The following CENPK variants were observed in gnomAD, a reference collection of about 807,000 sequenced individuals.
The protein encoded by CENPK is SoxLZ/Sox6-binding protein Solt.
A neutral mutation model predicts 40.9 loss-of-function variants in CENPK; 46 were observed. The observed-to-expected ratio is 1.13, with a 90% CI of 0.89 to 1.44. The LOEUF is 1.44. Among genes scored for constraint, CENPK ranks in the 40% most tolerant of loss-of-function variants. CENPK has a pLI of 0.00. For synonymous variants in CENPK, 107 were observed against 104.4 expected (o/e 1.02, Z -0.15); for missense variants, 288 against 303.5 (o/e 0.95, Z 0.38).
the CENPK span, among the ~76,000 whole-genome samples, chr5:65,496,253 C>CAAACA: frequency 0.59 from 88,167 of 150,420 alleles, 26,193 homozygotes; most frequent in Non-Finnish European, 0.62. Context: ...GACCTTGTCT[C>CAAACA]AAACAAAACA....
At chr5:65,536,967 T>C (rs1580986846) in intron 6 of CENPK, among the ~76,000 whole-genome samples, 1 of 152,358 alleles carries the variant, frequency 6.6e-6, no homozygotes, top group Middle Eastern at 3.4e-3. Flanking sequence ...AATAGGTTAG[T>C]TGTCATGGGA....
chr5:65,543,245 G>C (rs974444004), intron 5 of CENPK, among the ~76,000 whole-genome samples: 10 of 152,148 alleles, frequency 6.6e-5, no homozygotes, highest in African/African-American at 2.2e-4. Context: ...CGAAATGTGT[G>C]CAGTTTTCAT....
chr5:65,504,597 G>GT, the CENPK span, among the ~76,000 whole-genome samples: 7 of 151,518 alleles, frequency 4.6e-5, no homozygotes, highest in African/African-American at 9.7e-5. Flanking sequence ...AAAAATTGCT[G>GT]TTTTTTTTCC....
intron 6 of CENPK, among the ~76,000 whole-genome samples, chr5:65,539,235 T>A (rs993971477): frequency 6.6e-6 from 1 of 152,208 alleles, no homozygotes; most frequent in Non-Finnish European, 1.5e-5. Context: ...TCCATCCCAA[T>A]AGCCACAAAA....
At chr5:65,497,600 C>G in the CENPK span, among the ~76,000 whole-genome samples, 8 of 152,264 alleles carry the variant, frequency 5.3e-5, no homozygotes, top group African/African-American at 1.9e-4. Context: ...CATAAGTTCC[C>G]CGGTCCACAC....
rs1162132221 is a variant in CENPK, at chr5:65,558,166, AT to A, written c.-39-3221del. Among the ~76,000 whole-genome samples, 567 of 151,628 alleles carry A rather than the reference AT, an allele frequency of 3.7e-3. 3 individuals carry two copies. Among genetic ancestry groups the A allele is most frequent in the African/African-American group, 0.013 (535 of 41,360 alleles). On this transcript the variant is annotated intron_variant, in intron 2 of 10. Coordinates refer to ENST00000396679, the MANE Select transcript of CENPK (RefSeq NM_022145.5). ...ACAAAAAGAAAACACACACACACACATTTTTTTTTCTTTAAAGCACAAGAGA... is the reference window on the plus strand; with the variant it reads ...ACAAAAAGAAAACACACACACACACATTTTTTTTCTTTAAAGCACAAGAGA...
the CENPK span, among the ~76,000 whole-genome samples, chr5:65,496,789 C>T: frequency 6.6e-6 from 1 of 151,942 alleles, no homozygotes; most frequent in Non-Finnish European, 1.5e-5. Context: ...TGCGATGGCT[C>T]ACGTCTGTAA....
chr5:65,504,457 CAAAAAAAA>C, the CENPK span, among the ~76,000 whole-genome samples: 8 of 100,056 alleles, frequency 8.0e-5, no homozygotes, highest in South Asian at 2.1e-3. Context: ...AATTCCGTAT[CAAAAAAAA>C]AAAAAAAAAA....
At chr5:65,504,544 A>AT in the CENPK span, among the ~76,000 whole-genome samples, 2 of 151,766 alleles carry the variant, frequency 1.3e-5, no homozygotes, top group Non-Finnish European at 2.9e-5. Flanking sequence ...TGCAATACTA[A>AT]TGTCTGAAGA....
intron 6 of CENPK, among the ~76,000 whole-genome samples, chr5:65,530,902 C>G (rs756168373): frequency 1.3e-5 from 2 of 151,970 alleles, no homozygotes; most frequent in Non-Finnish European, 2.9e-5. Context: ...AAGGCAAGAC[C>G]CTGCCTCAAC....
At chr5:65,543,914 T>C (rs1748442582) in intron 5 of CENPK, among the ~76,000 whole-genome samples, 1 of 152,172 alleles carries the variant, frequency 6.6e-6, no homozygotes, top group African/African-American at 2.4e-5. Flanking sequence ...TCTTCTAAAA[T>C]TTTTGCCAGC....
chr5:65,559,265 C>G (rs887020061), intron 2 of CENPK, among the ~76,000 whole-genome samples: 2 of 152,182 alleles, frequency 1.3e-5, no homozygotes, highest in African/African-American at 4.8e-5. Flanking sequence ...CCAAGTTGAG[C>G]TACTGAATCT....
At chr5:65,545,259 C>G (rs750733374) in intron 5 of CENPK, among the ~76,000 whole-genome samples, 1 of 151,004 alleles carries the variant, frequency 6.6e-6, no homozygotes, top group Non-Finnish European at 1.5e-5. Flanking sequence ...CAAAGAAATC[C>G]AGGTTAAGGT....
chr5:65,557,380 T>C (rs200449929), intron 2 of CENPK, among the ~76,000 whole-genome samples: 2 of 143,784 alleles, frequency 1.4e-5, no homozygotes, highest in Non-Finnish European at 3.2e-5. Context: ...GTGGCTGTCT[T>C]TATAAAGAGA....
At chr5:65,509,551 C>G in the CENPK span, among the ~76,000 whole-genome samples, 1 of 152,028 alleles carries the variant, frequency 6.6e-6, no homozygotes, top group African/African-American at 2.4e-5. Context: ...TGAAGAATGT[C>G]GGTGTTCCTT....
At chr5:65,520,073 T>C (rs786535) in intron 10 of CENPK, among the ~76,000 whole-genome samples, 61,815 of 151,972 alleles carry the variant, frequency 0.41, 12,930 homozygotes, top group East Asian at 0.65. Context: ...TCCCCAATGT[T>C]GGAGGTGGAG....
chr5:65,549,574 G>A (rs1053996242), intron 5 of CENPK, among the ~76,000 whole-genome samples: 2 of 152,162 alleles, frequency 1.3e-5, no homozygotes, highest in Admixed American at 1.3e-4. Context: ...AAGTATCTTA[G>A]CTAGATCTTC....
chr5:65,539,563 C>T (rs887711793), intron 6 of CENPK, among the ~76,000 whole-genome samples: 3 of 152,222 alleles, frequency 2.0e-5, no homozygotes, highest in African/African-American at 7.2e-5. Flanking sequence ...GTCTTCAAGG[C>T]CCACTAGGGT....
the CENPK span, among the ~76,000 whole-genome samples, chr5:65,504,162 T>A: frequency 1.8e-4 from 27 of 151,406 alleles, no homozygotes; most frequent in Admixed American, 9.9e-4. Flanking sequence ...TATATTTTTT[T>A]AAAAAAAACC....
Sources: gnomAD v4.1 joint callset for allele counts (sites outside exome capture counted in the v4.1 genomes callset) on GRCh38, gnomAD v4.1.1 for gene constraint, MANE v1.5 for transcripts, NCBI Gene and HGNC (gene_info 2026-07-23, HGNC 2026-07-21) for gene names.